The following EARS2 variants were observed in gnomAD, a reference collection of about 807,000 sequenced individuals.
EARS2 encodes nondiscriminating glutamyl-tRNA synthetase EARS2, mitochondrial.
EARS2 carries 50 observed loss-of-function variants against 54.1 expected under a neutral mutation model. The observed-to-expected ratio is 0.92, with a 90% confidence interval of 0.74 to 1.17. The LOEUF is 1.17. EARS2 is among the 50% of genes most tolerant of loss of function. The probability of loss-of-function intolerance (pLI) is 0.00; values close to 1 mark genes in which losing one functional copy is unlikely to be tolerated. For missense variants in EARS2, 673 were observed against 675.0 expected (o/e 1.00, Z 0.03); for synonymous variants, 298 against 281.0 (o/e 1.06, Z -0.61).
chr16:23,522,830 C>G lies in EARS2; in HGVS notation c.*1541G>C, dbSNP rs1347875740. The G allele has an allele frequency of 1.3e-5, 2 of 152,142 alleles. No homozygotes were observed. The highest frequency in any genetic ancestry group is 2.9e-5 in the Non-Finnish European group (2 of 68,034). 9.4% of individuals were successfully genotyped at this position (152,142 alleles called of 1,614,324 possible). A position where few individuals can be genotyped will look rare whatever the true frequency, so the allele number is the denominator to read the frequency against. On this transcript the variant is annotated 3_prime_UTR_variant, in exon 9 of 9. Transcript: ENST00000449606. ...TAGGGTCTCCCATAGAGGTCACAAG[C>G]GAGATCAGCTAGGATTGCGGTCATG...
chr16:23,543,117 C>CAAAAAA (rs35137770), intron 3 of EARS2, among the ~76,000 whole-genome samples: 1 of 71,980 alleles, frequency 1.4e-5, no homozygotes, highest in Non-Finnish European at 2.4e-5. Flanking sequence ...TCTGTCTCAC[C>CAAAAAA]AAAAAAAAAA....
At chr16:23,541,860 A>AT (rs552062498) in intron 3 of EARS2, among the ~76,000 whole-genome samples, 239 of 140,562 alleles carry the variant, frequency 1.7e-3, no homozygotes, top group Middle Eastern at 3.6e-3. Context: ...AGCTCAGCTA[A>AT]TTTTTTTTTT....
chr16:23,528,129 G>A (rs1423232445), intron 7 of EARS2, among the ~76,000 whole-genome samples: 3 of 152,216 alleles, frequency 2.0e-5, no homozygotes, highest in East Asian at 1.9e-4. Context: ...CTGAATCGGC[G>A]GCACCTTGAC....
chr16:23,528,352 G>A (rs992172230), intron 7 of EARS2, among the ~76,000 whole-genome samples: 6 of 152,212 alleles, frequency 3.9e-5, no homozygotes, highest in African/African-American at 1.4e-4. Context: ...GGCACTGCAG[G>A]GAAGCAGGCT....
At chr16:23,531,775 C>T (rs889068285) in intron 5 of EARS2, among the ~76,000 whole-genome samples, 1 of 152,214 alleles carries the variant, frequency 6.6e-6, no homozygotes, top group African/African-American at 2.4e-5. Flanking sequence ...ATCAGGAAGA[C>T]CCTCACCCCA....
intron 2 of EARS2, 75 bp downstream of exon 2, chr16:23,552,074 T>G: frequency 4.0e-5 from 62 of 1,550,000 alleles, no homozygotes; most frequent in South Asian, 4.7e-5. Context: ...CAGAACTCCA[T>G]GAGAAGACCC....
At chr16:23,526,452 A>G (rs1965231608) in intron 7 of EARS2, among the ~76,000 whole-genome samples, 1 of 152,168 alleles carries the variant, frequency 6.6e-6, no homozygotes, top group Non-Finnish European at 1.5e-5. Context: ...TTGAATTTAA[A>G]ATTTTTAAAA....
At position 23,524,321 on chromosome 16, in the gene EARS2, T is replaced by C. The variant is rs1259558306; in HGVS notation, c.*50A>G. 2.1e-5 allele frequency: 32 copies of C among 1,547,040 alleles called. No individual in the cohort carries two copies. The highest frequency in any genetic ancestry group is 2.7e-5 in the African/African-American group (2 of 73,504). On this transcript the variant is annotated 3_prime_UTR_variant, in exon 9 of 9. Coordinates refer to ENST00000449606, the MANE Select transcript of EARS2 (RefSeq NM_001083614.2). ...CCTTCTGGTCTCTGAAAGCTGTTTC[T>C]AAGCTCACAGGTTCTTAGGGCGATC...
chr16:23,540,548 A>C (rs758719345), intron 3 of EARS2, among the ~76,000 whole-genome samples: 1 of 152,246 alleles, frequency 6.6e-6, no homozygotes, highest in African/African-American at 2.4e-5. Context: ...CACCTCTAGG[A>C]AGGTATTCAG....
Position 23,535,009 on chromosome 16 carries a change from G to A in EARS2, c.837C>T (p.Asn279=), listed in dbSNP as rs1158855289. The part of the protein sequence containing the change: ...PHFAHLPLLL[N]RDGSKLSKRQ... ...TCTTGGAGAGCTTGCTGCCATCCCT[G>A]TTGAGGAGCAGGGGCAGGTGGGCGA... is the stretch of plus-strand genomic sequence containing the variant. Residue 279 remains asparagine (N), a synonymous_variant, in exon 4 of 9, where the codon AAC becomes AAT. Coordinates refer to ENST00000449606, the MANE Select transcript of EARS2 (RefSeq NM_001083614.2). 1 of 1,612,810 alleles carries A rather than the reference G, an allele frequency of 6.2e-7. No individual in the cohort carries two copies. The highest frequency in any genetic ancestry group is 8.5e-7 in the Non-Finnish European group (1 of 1,179,554).
At chr16:23,537,780 TTTTC>T (rs975993527) in intron 3 of EARS2, among the ~76,000 whole-genome samples, 3 of 149,942 alleles carry the variant, frequency 2.0e-5, no homozygotes, top group Non-Finnish European at 4.4e-5. Context: ...CTTTCTTTTC[TTTTC>T]TTTTTCTTTC....
At chr16:23,555,193 T>C (rs189389589) in intron 1 of EARS2, among the ~76,000 whole-genome samples, 59 of 152,240 alleles carry the variant, frequency 3.9e-4, no homozygotes, top group Middle Eastern at 6.8e-3. Context: ...ATTAAATAAT[T>C]TGCACATCTA....
At chr16:23,550,249 G>C (rs1178216983) in intron 2 of EARS2, among the ~76,000 whole-genome samples, 1 of 151,750 alleles carries the variant, frequency 6.6e-6, no homozygotes, top group Non-Finnish European at 1.5e-5. Context: ...CAGCTATGGT[G>C]CCAGCTACCC....
intron 3 of EARS2, chr16:23,535,566 C>A (rs991069834): frequency 1.3e-5 from 8 of 594,186 alleles, no homozygotes; most frequent in Admixed American, 1.2e-4. Context: ...ATCTACCAGC[C>A]ATTCCACGCT....
At chr16:23,552,029 G>T in intron 2 of EARS2, 120 bp downstream of exon 2, 1 of 1,296,776 alleles carries the variant, frequency 7.7e-7, no homozygotes, top group Non-Finnish European at 1.1e-6. Flanking sequence ...CAGTACAAAT[G>T]TAGCCACTTC....
At position 23,523,212 on chromosome 16, in the gene EARS2, G is replaced by A. The variant is rs1965168930; in HGVS notation, c.*1159C>T. Reference sequence around the variant, plus strand: ...GCTGCCATGCAGGGGAAGCCTAGAAGCCTGGTAGGGGTTCATGTACCCTGC... The same window carrying A: ...GCTGCCATGCAGGGGAAGCCTAGAAACCTGGTAGGGGTTCATGTACCCTGC... On this transcript the variant is annotated 3_prime_UTR_variant, in exon 9 of 9. Transcript: ENST00000449606. The A allele has an allele frequency of 6.6e-6, 1 of 152,256 alleles. No individual in the cohort carries two copies. Among genetic ancestry groups the A allele is most frequent in the Non-Finnish European group, 1.5e-5 (1 of 68,068 alleles). 9.4% of individuals were successfully genotyped at this position (152,256 alleles called of 1,614,324 possible).
chr16:23,524,560 C>T (rs1965192573), intron 8 of EARS2, 106 bp from the exon 9 acceptor site: 8 of 942,226 alleles, frequency 8.5e-6, no homozygotes, highest in Non-Finnish European at 1.2e-5. Context: ...CCCCACACTG[C>T]TGCCTGTGTT....
chr16:23,545,533 G>C (rs1965589444), intron 2 of EARS2, among the ~76,000 whole-genome samples: 1 of 152,208 alleles, frequency 6.6e-6, no homozygotes, highest in Non-Finnish European at 1.5e-5. Flanking sequence ...CCCCCACTCT[G>C]TGAGGACACT....
In EARS2 at chr16:23,557,166, G is replaced by C. The variant is rs1359314302; in HGVS notation, c.139+39C>G. ...ACATTCGTGGGGCGGAGACGGGACA[G>C]GGGGCCTCGGCCTGTAGCGTCACGT... On this transcript the variant is annotated intron_variant, in intron 1 of 8. Transcript: ENST00000449606. 2.0e-6 allele frequency: 3 copies of C among 1,504,320 alleles called. No homozygotes were observed. The African/African-American group carries it at 4.2e-5, about 21-fold the overall frequency. The allele number at this position is 1,504,320 out of a possible 1,614,324, so 93.2% of individuals were successfully genotyped here.
Sources: allele counts gnomAD v4.1 joint callset (sites outside exome capture counted in the v4.1 genomes callset), GRCh38; gene constraint gnomAD v4.1.1; transcripts MANE v1.5; gene names NCBI Gene and HGNC (gene_info 2026-07-23, HGNC 2026-07-21).